Variants in FOXJ3 observed in about 807,000 individuals in gnomAD.
FOXJ3 encodes forkhead box protein J3.
A neutral mutation model predicts 76.1 loss-of-function variants in FOXJ3; 22 were observed. The ratio of observed to expected loss-of-function variants is 0.29; its 90% CI spans 0.21 to 0.41. The LOEUF is 0.41. FOXJ3 is among the 10% of genes least tolerant of loss of function. The pLI is 1.00. For synonymous variants in FOXJ3, 269 were observed against 261.2 expected, an observed-to-expected ratio of 1.03 and a Z score of -0.29; for missense variants, 613 against 762.1, an observed-to-expected ratio of 0.80 and a Z score of 2.30.
chr1:42,263,436 T>C (rs2124623581), intron 4 of FOXJ3, among the ~76,000 whole-genome samples: 1 of 152,328 alleles, frequency 6.6e-6, no homozygotes, highest in South Asian at 2.1e-4. Context: ...GATTCATATA[T>C]ACTCATTGCC....
intron 4 of FOXJ3, among the ~76,000 whole-genome samples, chr1:42,258,896 A>G (rs1283119231): frequency 6.6e-6 from 1 of 152,226 alleles, no homozygotes; most frequent in East Asian, 1.9e-4. Flanking sequence ...CTCACAAGGC[A>G]GCTTAACTTG....
chr1:42,270,975 A>G (rs1294124701), intron 3 of FOXJ3, among the ~76,000 whole-genome samples: 3 of 152,152 alleles, frequency 2.0e-5, no homozygotes, highest in East Asian at 3.9e-4. Flanking sequence ...AAAAATCAAT[A>G]TAAGTACTCA....
intron 4 of FOXJ3, chr1:42,264,881 C>A: frequency 2.3e-6 from 1 of 427,856 alleles, no homozygotes; most frequent in Non-Finnish European, 4.1e-6. Context: ...ATACACAATA[C>A]TTCAACCAAA....
At chr1:42,327,970 G>A (rs941536672) in intron 1 of FOXJ3, among the ~76,000 whole-genome samples, 1 of 152,150 alleles carries the variant, frequency 6.6e-6, no homozygotes, top group Non-Finnish European at 1.5e-5. Flanking sequence ...AATAAAAATA[G>A]ATATCATGCA....
chr1:42,334,194 A>C (rs1451704934), intron 1 of FOXJ3: 1 of 851,330 alleles, frequency 1.2e-6, no homozygotes, highest in Non-Finnish European at 1.4e-6. Context: ...GAAAAGAATA[A>C]GAGCAGCTAA....
intron 1 of FOXJ3, among the ~76,000 whole-genome samples, chr1:42,329,498 C>T (rs1465411750): frequency 1.3e-5 from 2 of 152,170 alleles, no homozygotes; most frequent in Non-Finnish European, 2.9e-5. Flanking sequence ...GAATAACCCC[C>T]TCTAGGACTG....
At chr1:42,280,791 A>C (rs907730442) in intron 2 of FOXJ3, among the ~76,000 whole-genome samples, 1 of 152,230 alleles carries the variant, frequency 6.6e-6, no homozygotes, top group Non-Finnish European at 1.5e-5. Context: ...TAAAGTATTC[A>C]GAACAGTGCC....
chr1:42,194,840 AC>A, intron 8 of FOXJ3, 49 bp downstream of exon 8: 1 of 1,191,914 alleles, frequency 8.4e-7, no homozygotes, highest in Admixed American at 2.3e-5. Flanking sequence ...TAATTTAAAA[AC>A]CTTTTTCCAA....
chr1:42,216,902 A>G (rs1647080999), intron 5 of FOXJ3, among the ~76,000 whole-genome samples: 1 of 152,250 alleles, frequency 6.6e-6, no homozygotes, highest in Non-Finnish European at 1.5e-5. Context: ...AACAGAAAAC[A>G]AAACATAAAG....
chr1:42,326,556 A>C (rs1407945589), intron 1 of FOXJ3, among the ~76,000 whole-genome samples: 1 of 152,192 alleles, frequency 6.6e-6, no homozygotes, highest in East Asian at 1.9e-4. Flanking sequence ...TTCCAGGGAT[A>C]CTTTTTCAAT....
chr1:42,211,673 A>G (rs1027114806), intron 5 of FOXJ3, among the ~76,000 whole-genome samples: 1 of 152,204 alleles, frequency 6.6e-6, no homozygotes, highest in Non-Finnish European at 1.5e-5. Flanking sequence ...GGGGAACAAG[A>G]TAAGCTTCAA....
chr1:42,265,327 A>T (rs926777862), intron 3 of FOXJ3, 138 bp from the exon 4 acceptor site: 2 of 522,342 alleles, frequency 3.8e-6, no homozygotes, highest in African/African-American at 4.0e-5. Context: ...TAATCAGCTT[A>T]AAATTTAAAT....
chr1:42,190,765 A>T (rs1303940223), intron 9 of FOXJ3, among the ~76,000 whole-genome samples: 4 of 152,300 alleles, frequency 2.6e-5, no homozygotes, highest in African/African-American at 9.6e-5. Flanking sequence ...GAGGAAGAGG[A>T]GGCTCCTTTA....
chr1:42,199,375 T>C (rs1646714978), intron 6 of FOXJ3, 145 bp from the exon 7 acceptor site: 1 of 588,952 alleles, frequency 1.7e-6, no homozygotes, highest in Non-Finnish European at 3.0e-6. Flanking sequence ...CCATGCCCCA[T>C]ATGGCTAAGT....
intron 4 of FOXJ3, among the ~76,000 whole-genome samples, chr1:42,264,108 T>C (rs1651290203): frequency 6.6e-6 from 1 of 151,592 alleles, no homozygotes; most frequent in Admixed American, 6.6e-5. Flanking sequence ...AGCTGAAGTA[T>C]GGGGAAACAA....
At chr1:42,278,040 C>T (rs949913664) in intron 3 of FOXJ3, among the ~76,000 whole-genome samples, 13 of 151,124 alleles carry the variant, frequency 8.6e-5, no homozygotes, top group Admixed American at 6.6e-4. Flanking sequence ...TGCAATACTA[C>T]GTTGTTTTTC....
intron 7 of FOXJ3, among the ~76,000 whole-genome samples, chr1:42,198,051 G>A (rs987359381): frequency 6.6e-6 from 1 of 152,026 alleles, no homozygotes; most frequent in African/African-American, 2.4e-5. Flanking sequence ...ACGGAGGGCT[G>A]ACTGCATAGA....
intron 4 of FOXJ3, among the ~76,000 whole-genome samples, chr1:42,242,284 C>T (rs1382457029): frequency 6.6e-6 from 1 of 150,704 alleles, no homozygotes; most frequent in African/African-American, 2.4e-5. Flanking sequence ...TTATTAAATA[C>T]CAGAAAAGAA....
intron 11 of FOXJ3, among the ~76,000 whole-genome samples, chr1:42,187,740 G>C (rs1646466702): frequency 6.6e-6 from 1 of 152,330 alleles, no homozygotes; most frequent in South Asian, 2.1e-4. Flanking sequence ...GTCTGGCACA[G>C]AGGGCAATCA....
Sources: gnomAD v4.1 joint callset for allele counts (sites outside exome capture counted in the v4.1 genomes callset) on GRCh38, gnomAD v4.1.1 for gene constraint, MANE v1.5 for transcripts, NCBI Gene and HGNC (gene_info 2026-07-23, HGNC 2026-07-21) for gene names.